The following TOX variants were observed in gnomAD, a reference collection of about 807,000 sequenced individuals.
The protein encoded by TOX is thymocyte selection-associated high mobility group box protein TOX.
In TOX, 11 loss-of-function variants were observed where a neutral mutation model predicts 53.7. The observed-to-expected ratio is 0.20, with a 90% CI of 0.13 to 0.34. The LOEUF is 0.34. Among genes scored for constraint, TOX ranks in the 10% least tolerant of loss-of-function variants. The pLI is 1.00. For synonymous variants in TOX, 225 were observed against 245.3 expected (o/e 0.92, Z 0.77); for missense variants, 570 against 664.6 (o/e 0.86, Z 1.56).
chr8:59,069,606 T>C (rs1217150099), intron 1 of TOX, among the ~76,000 whole-genome samples: 1 of 152,172 alleles, frequency 6.6e-6, no homozygotes, highest in Non-Finnish European at 1.5e-5. Flanking sequence ...TCGGCACTTA[T>C]GATGATGGCT....
rs117578169 is a variant in TOX at position 59,070,817 on chromosome 8, G to A, written c.102+48069C>T. ...ATTGATGAGGTGAATGGGATAGAAA[G>A]CTTGAAAATGAGGTAAGAATGTACA... On this transcript the variant is annotated intron_variant, in intron 1 of 8. Coordinates refer to ENST00000361421, the MANE Select transcript of TOX (RefSeq NM_014729.3). Among the ~76,000 whole-genome samples the A allele has an allele frequency of 4.5e-4, 69 of 152,294 alleles. No individual in the cohort carries two copies. The East Asian group carries it at 0.013, about 28-fold the overall frequency.
intron 2 of TOX, among the ~76,000 whole-genome samples, chr8:58,942,213 C>T (rs751834630): frequency 6.6e-5 from 10 of 152,114 alleles, no homozygotes; most frequent in Non-Finnish European, 1.3e-4. Context: ...CCACTTTACA[C>T]TCTAGGGTTT....
intron 2 of TOX, among the ~76,000 whole-genome samples, chr8:58,947,722 A>G (rs902407429): frequency 6.6e-6 from 1 of 152,232 alleles, no homozygotes; most frequent in East Asian, 1.9e-4. Context: ...ATCAGAGTGT[A>G]AACAAAAAGA....
At chr8:58,988,265 C>T (rs1255221543) in intron 1 of TOX, among the ~76,000 whole-genome samples, 2 of 152,170 alleles carry the variant, frequency 1.3e-5, no homozygotes, top group African/African-American at 4.8e-5. Flanking sequence ...ATTAATGGGT[C>T]TATTCATCTA....
intron 4 of TOX, among the ~76,000 whole-genome samples, chr8:58,839,978 T>C (rs987260568): frequency 1.3e-5 from 2 of 152,216 alleles, no homozygotes; most frequent in African/African-American, 4.8e-5. Context: ...TATGGTGCCA[T>C]TTTATAATGA....
intron 1 of TOX, among the ~76,000 whole-genome samples, chr8:59,076,040 A>G (rs990612847): frequency 1.1e-4 from 17 of 151,588 alleles, no homozygotes; most frequent in Admixed American, 7.9e-4. Context: ...AAGGGCCTAC[A>G]TGAGGGAGGG....
At chr8:58,899,528 A>G (rs981498375) in intron 3 of TOX, among the ~76,000 whole-genome samples, 1 of 152,230 alleles carries the variant, frequency 6.6e-6, no homozygotes, top group Non-Finnish European at 1.5e-5. Context: ...TGGAATTAAC[A>G]AAGACAGAAA....
chr8:58,902,964 T>C (rs557224482), intron 3 of TOX, among the ~76,000 whole-genome samples: 9 of 152,350 alleles, frequency 5.9e-5, no homozygotes, highest in Non-Finnish European at 1.3e-4. Context: ...TACTACCCTC[T>C]GTCTCTCTCT....
chr8:58,895,383 C>T (rs968474706), intron 3 of TOX, among the ~76,000 whole-genome samples: 8 of 151,912 alleles, frequency 5.3e-5, no homozygotes, highest in African/African-American at 1.2e-4. Context: ...TATAAGCAAA[C>T]GTATAAATAT....
At chr8:59,022,302 A>C (rs991816994) in intron 1 of TOX, among the ~76,000 whole-genome samples, 1 of 152,142 alleles carries the variant, frequency 6.6e-6, no homozygotes, top group Non-Finnish European at 1.5e-5. Flanking sequence ...ACCCACAATT[A>C]TCTCACTAAT....
intron 1 of TOX, among the ~76,000 whole-genome samples, chr8:58,988,077 T>A (rs1813367532): frequency 6.6e-6 from 1 of 152,160 alleles, no homozygotes; most frequent in African/African-American, 2.4e-5. Context: ...AAACTTCAGA[T>A]GAAAAAATAC....
At chr8:58,904,643 C>A (rs1246148640) in intron 3 of TOX, among the ~76,000 whole-genome samples, 2 of 152,138 alleles carry the variant, frequency 1.3e-5, no homozygotes, top group African/African-American at 4.8e-5. Flanking sequence ...TACTCTTAAG[C>A]AGTAGCAGCA....
intron 1 of TOX, among the ~76,000 whole-genome samples, chr8:58,998,492 A>AGT (rs1452582199): frequency 4.1e-3 from 151 of 36,828 alleles, no homozygotes; most frequent in Middle Eastern, 0.023. Flanking sequence ...CCATCTCAAA[A>AGT]GTATATATAT....
intron 3 of TOX, among the ~76,000 whole-genome samples, chr8:58,877,296 T>C (rs1027485295): frequency 1.3e-5 from 2 of 152,212 alleles, no homozygotes; most frequent in African/African-American, 2.4e-5. Context: ...AAAGTCTTCA[T>C]TTGGTTTTTA....
At chr8:59,103,378 C>T (rs910509510) in intron 1 of TOX, among the ~76,000 whole-genome samples, 3 of 152,072 alleles carry the variant, frequency 2.0e-5, no homozygotes, top group Non-Finnish European at 2.9e-5. Flanking sequence ...TTGTGTCATG[C>T]GTCTCCTAGG....
chr8:59,010,136 C>T (rs193294350), intron 1 of TOX, among the ~76,000 whole-genome samples: 3 of 152,242 alleles, frequency 2.0e-5, no homozygotes, highest in Admixed American at 2.0e-4. Context: ...GTTCCTACCT[C>T]TTCCACAACC....
intron 1 of TOX, among the ~76,000 whole-genome samples, chr8:59,104,912 G>A (rs1303272934): frequency 6.6e-6 from 1 of 152,088 alleles, no homozygotes; most frequent in African/African-American, 2.4e-5. Context: ...TTATACTGTG[G>A]TTCCATGATA....
At chr8:58,957,141 G>A (rs1175847587) in intron 2 of TOX, among the ~76,000 whole-genome samples, 1 of 152,172 alleles carries the variant, frequency 6.6e-6, no homozygotes, top group African/African-American at 2.4e-5. Context: ...ACAAAGTTCA[G>A]GAGGCATTAA....
chr8:58,926,551 T>C (rs889191983), intron 3 of TOX, among the ~76,000 whole-genome samples: 1 of 152,200 alleles, frequency 6.6e-6, no homozygotes, highest in Non-Finnish European at 1.5e-5. Context: ...ATAAACACAT[T>C]AGAAAAAGTA....
Sources: allele counts gnomAD v4.1 joint callset (sites outside exome capture counted in the v4.1 genomes callset), GRCh38; gene constraint gnomAD v4.1.1; transcripts MANE v1.5; gene names NCBI Gene and HGNC (gene_info 2026-07-23, HGNC 2026-07-21).